Variants in ZDHHC7 observed in about 807,000 individuals in gnomAD.
ZDHHC7 encodes the protein zDHHC palmitoyltransferase 7, also known as palmitoyltransferase ZDHHC7.
A neutral mutation model predicts 34.1 loss-of-function variants in ZDHHC7; 12 were observed. The observed-to-expected ratio is 0.35, with a 90% CI of 0.23 to 0.57. ZDHHC7 has a LOEUF of 0.57. Ranked by LOEUF, ZDHHC7 falls within the 20% of genes least tolerant of loss-of-function variation. The pLI, the probability that ZDHHC7 is intolerant of heterozygous loss-of-function variation, is 0.84. For missense variants in ZDHHC7, 388 were observed against 402.7 expected, an observed-to-expected ratio of 0.96 and a Z score of 0.31; for synonymous variants, 185 against 155.4, an observed-to-expected ratio of 1.19 and a Z score of -1.42.
At chr16:84,997,187 GAAACAAAAAGAGGAACAGTTTAA>G (rs1410801798) in intron 1 of ZDHHC7, among the ~76,000 whole-genome samples, 1 of 150,496 alleles carries the variant, frequency 6.6e-6, no homozygotes, top group African/African-American at 2.4e-5. Context: ...TTGGTTCTGT[GAAACAAAAAGAGGAACAGTTTAA>G]GAACTTCCTG....
the ZDHHC7 span, among the ~76,000 whole-genome samples, chr16:85,026,420 C>G: frequency 6.6e-6 from 1 of 152,098 alleles, no homozygotes. Flanking sequence ...ACCCTGAGTT[C>G]CAGCTTCACA....
chr16:84,989,761 G>C (rs914362565), intron 3 of ZDHHC7, among the ~76,000 whole-genome samples: 1 of 149,268 alleles, frequency 6.7e-6, no homozygotes, highest in African/African-American at 2.5e-5. Flanking sequence ...AGAAAGCTTA[G>C]AAACAGACAA....
At chr16:85,010,367 A>T (rs2072774381) in intron 1 of ZDHHC7, among the ~76,000 whole-genome samples, 1 of 152,226 alleles carries the variant, frequency 6.6e-6, no homozygotes, top group Non-Finnish European at 1.5e-5. Flanking sequence ...TCAGGTATGT[A>T]AACACTGTAA....
At chr16:84,993,581 A>G (rs542120442) in intron 2 of ZDHHC7, among the ~76,000 whole-genome samples, 9 of 152,148 alleles carry the variant, frequency 5.9e-5, no homozygotes, top group African/African-American at 2.2e-4. Context: ...GGTTGAGGCT[A>G]CAGTGAGCCA....
chr16:85,026,487 A>G, the ZDHHC7 span, among the ~76,000 whole-genome samples: 1 of 152,124 alleles, frequency 6.6e-6, no homozygotes, highest in South Asian at 2.1e-4. Flanking sequence ...AGAAGGAGCT[A>G]TGGTGCTGAA....
chr16:84,991,461 T>C (rs2072508941), intron 2 of ZDHHC7, among the ~76,000 whole-genome samples: 3 of 152,192 alleles, frequency 2.0e-5, no homozygotes, highest in Middle Eastern at 6.8e-3. Context: ...AATTTTTTTG[T>C]ATTTTTAGTA....
In ZDHHC7 at chr16:84,990,536, G is replaced by T; in HGVS notation, c.83C>A (p.Ser28Tyr). 1 of 1,614,180 alleles carries T rather than the reference G, an allele frequency of 6.2e-7. No individual in the cohort carries two copies. The highest frequency in any genetic ancestry group is 8.5e-7 in the Non-Finnish European group (1 of 1,180,036). Reference sequence around the variant, plus strand: ...AGCCACGTCAGCCTCGGAGGAGGAGGACGATGAAGAGTCATAGTTGTCATT... The same window carrying T: ...AGCCACGTCAGCCTCGGAGGAGGAGTACGATGAAGAGTCATAGTTGTCATT... ...AENDNYDSSSSSSSEADVADR... is the reference protein window; with the variant it reads ...AENDNYDSSSYSSSEADVADR... Residue 28 changes from serine (S) to tyrosine (Y), a missense_variant, in exon 3 of 8, where the codon TCC becomes TAC. Ser to Tyr is a moderately radical substitution (Grantham distance 144, BLOSUM62 -2). Transcript: ENST00000313732.
chr16:84,978,490 T>C lies in ZDHHC7; in HGVS notation c.538-485A>G, dbSNP rs573622888. ...GGCTCACGCCTGTAATCCCAGCACTTTGGGAGGCCAAGACGGGCAGATGGC... is the reference window on the plus strand; with the variant it reads ...GGCTCACGCCTGTAATCCCAGCACTCTGGGAGGCCAAGACGGGCAGATGGC... On this transcript the variant is annotated intron_variant, in intron 5 of 7. Transcript: ENST00000313732. 1.3e-3 allele frequency among the ~76,000 whole-genome samples: 199 copies of C among 152,230 alleles called. 1 individual carries two copies. The highest frequency in any genetic ancestry group is 2.1e-3 in the Non-Finnish European group (141 of 68,002).
chr16:85,024,889 T>G, the ZDHHC7 span, among the ~76,000 whole-genome samples: 1 of 152,200 alleles, frequency 6.6e-6, no homozygotes, highest in Non-Finnish European at 1.5e-5. Flanking sequence ...GGGCTTTTGC[T>G]GAAAGTATTG....
rs552494508 is a variant in ZDHHC7, at chr16:84,982,849, G to C, written c.316-855C>G. 1.2e-3 allele frequency among the ~76,000 whole-genome samples: 184 copies of C among 152,372 alleles called. 2 individuals are homozygous for C. Among genetic ancestry groups the C allele is most frequent in the Non-Finnish European group, 5.6e-4 (38 of 68,034 alleles). On this transcript the variant is annotated intron_variant, in intron 3 of 7. Transcript: ENST00000313732. ...TGGCGAAGCAGCGGAAAGAGGAGTT[G>C]GGGAGGCTGTGAGCTGCTGGTAAGG...
At chr16:85,023,165 TTTC>T in the ZDHHC7 span, among the ~76,000 whole-genome samples, 3 of 150,568 alleles carry the variant, frequency 2.0e-5, no homozygotes, top group African/African-American at 5.0e-5. Context: ...TTTTCTTTCT[TTTC>T]TTTTTTTTTT....
chr16:85,023,940 C>T, the ZDHHC7 span, among the ~76,000 whole-genome samples: 2 of 151,700 alleles, frequency 1.3e-5, no homozygotes, highest in Non-Finnish European at 2.9e-5. Context: ...TTTTTTGAGA[C>T]AGAGTCTCGC....
At chr16:85,012,035 G>A (rs1039576482), upstream of ZDHHC7, among the ~76,000 whole-genome samples, 1 of 152,210 alleles carries the variant, frequency 6.6e-6, no homozygotes, top group Non-Finnish European at 1.5e-5. Flanking sequence ...GGACACTAGA[G>A]CACCGCCACT....
At chr16:85,006,891 G>A (rs915482776) in intron 1 of ZDHHC7, among the ~76,000 whole-genome samples, 8 of 150,538 alleles carry the variant, frequency 5.3e-5, no homozygotes, top group African/African-American at 1.0e-4. Context: ...CCCTTACCTC[G>A]CCTTTCATAG....
At chr16:85,026,818 T>C in the ZDHHC7 span, among the ~76,000 whole-genome samples, 25 of 151,990 alleles carry the variant, frequency 1.6e-4, no homozygotes, top group Non-Finnish European at 3.1e-4. Flanking sequence ...AGGAGCATTA[T>C]AGCACTGGAA....
At chr16:85,024,275 A>G in the ZDHHC7 span, among the ~76,000 whole-genome samples, 1 of 125,968 alleles carries the variant, frequency 7.9e-6, no homozygotes, top group African/African-American at 3.1e-5. Context: ...TCTGTTGCCT[A>G]GGCTAGAGTG....
At position 84,998,180 on chromosome 16, in the gene ZDHHC7, C is replaced by T. The variant is rs1027856504; in HGVS notation, c.-103-2173G>A. Among the ~76,000 whole-genome samples the T allele has an allele frequency of 3.0e-4, 46 of 150,876 alleles. No homozygotes were observed. The South Asian group carries it at 3.1e-3, about 10-fold the overall frequency. On this transcript the variant is annotated intron_variant, in intron 1 of 7. Coordinates refer to ENST00000313732, the MANE Select transcript of ZDHHC7 (RefSeq NM_017740.3). ...TCGGGAGGCTGAGACAGGAGAACGGCGCGAACCCGGGAGGCGGAGTTTGCA... is the reference window on the plus strand; with the variant it reads ...TCGGGAGGCTGAGACAGGAGAACGGTGCGAACCCGGGAGGCGGAGTTTGCA...
intron 3 of ZDHHC7, among the ~76,000 whole-genome samples, chr16:84,986,057 G>A (rs918754050): frequency 2.0e-5 from 3 of 151,556 alleles, no homozygotes; most frequent in Admixed American, 1.3e-4. Context: ...TACCGGTATT[G>A]AGGTTATGTT....
intron 2 of ZDHHC7, among the ~76,000 whole-genome samples, chr16:84,995,654 A>G (rs2072567480): frequency 6.6e-6 from 1 of 151,440 alleles, no homozygotes. Context: ...AAACCAAACC[A>G]CTTTCCATTT....
Sources: allele counts gnomAD v4.1 joint callset (sites outside exome capture counted in the v4.1 genomes callset), GRCh38; gene constraint gnomAD v4.1.1; transcripts MANE v1.5; gene names NCBI Gene and HGNC (gene_info 2026-07-23, HGNC 2026-07-21).